Variants in PROM2 observed in about 807,000 individuals in gnomAD.
PROM2 encodes the protein prominin-2.
A neutral mutation model predicts 110.2 loss-of-function variants in PROM2; 90 were observed. The ratio of observed to expected loss-of-function variants is 0.82; its 90% confidence interval spans 0.69 to 0.97. The LOEUF (loss-of-function observed/expected upper bound fraction) is 0.97, where lower values mean the gene tolerates loss of function less well. PROM2 is among the 50% of genes least tolerant of loss of function. PROM2 has a pLI of 0.00. For missense variants in PROM2, 1,009 were observed against 1,074.8 expected, an observed-to-expected ratio of 0.94 and a Z score of 0.86; for synonymous variants, 470 against 467.8, an observed-to-expected ratio of 1.00 and a Z score of -0.06.
intron 1 of PROM2, 32 bp downstream of exon 1, chr2:95,274,861 G>A: frequency 1.3e-6 from 2 of 1,503,288 alleles, no homozygotes; most frequent in Non-Finnish European, 1.8e-6. Context: ...GAGGGCCTCA[G>A]CATTTGGGTC....
chr2:95,278,673 G>A, intron 8 of PROM2, 48 bp from the exon 9 acceptor site: 2 of 1,610,424 alleles, frequency 1.2e-6, no homozygotes, highest in Non-Finnish European at 1.7e-6. Flanking sequence ...TCCCAAGAGG[G>A]GACACTGGGC....
Position 95,274,607 on chromosome 2 carries a change from C to T in PROM2, c.22C>T (p.Leu8=), listed in dbSNP as rs1163248112. 6 of 1,596,808 alleles carry T rather than the reference C, an allele frequency of 3.8e-6. No individual in the cohort carries two copies. The highest frequency in any genetic ancestry group is 5.1e-6 in the Non-Finnish European group (6 of 1,169,156). Residue 8 remains leucine, a synonymous_variant, in exon 1 of 24, where the codon CTG becomes TTG. Coordinates refer to ENST00000317620, the MANE Select transcript of PROM2 (RefSeq NM_001165978.3). The part of the protein sequence containing the change: MKHTLAL[L]APLLGLGLGL... Reference sequence around the variant, plus strand: ...CCCCATGAAGCACACACTGGCTCTGCTGGCTCCCCTGCTGGGCCTGGGCCT... The same window carrying T: ...CCCCATGAAGCACACACTGGCTCTGTTGGCTCCCCTGCTGGGCCTGGGCCT...
chr2:95,281,725 G>A (rs1219350873), intron 12 of PROM2, among the ~76,000 whole-genome samples, 200 bp from the exon 13 acceptor site: 1 of 152,096 alleles, frequency 6.6e-6, no homozygotes, highest in Non-Finnish European at 1.5e-5. Flanking sequence ...ACCCTCCTAG[G>A]GATTCATGGG....
chr2:95,288,792 T>C, intron 22 of PROM2, 141 bp from the exon 23 acceptor site: 1 of 904,312 alleles, frequency 1.1e-6, no homozygotes, highest in Non-Finnish European at 1.8e-6. Context: ...GCTGCATCCA[T>C]TTGGGCGCAG....
In PROM2 at chr2:95,276,869, C is replaced by A; in HGVS notation, c.683-103C>A. The A allele has an allele frequency of 1.5e-6, 2 of 1,293,182 alleles. No individual in the cohort carries two copies. The highest frequency in any genetic ancestry group is 2.2e-6 in the Non-Finnish European group (2 of 920,628). The allele number at this position is 1,293,182 out of a possible 1,614,324, so 80.1% of individuals were successfully genotyped here. A position where few individuals can be genotyped will look rare whatever the true frequency, so the allele number is the denominator to read the frequency against. ...CGCTCCTTCACTCCCCTCCACCCCC[C>A]GGCTCCTGCAGAGCCCGGTGGGGCC... is the stretch of plus-strand genomic sequence containing the variant. On this transcript the variant is annotated intron_variant, in intron 5 of 23. Coordinates refer to ENST00000317620, the MANE Select transcript of PROM2 (RefSeq NM_001165978.3). The surrounding 1 kb of genome is among the most constrained non-coding windows in gnomAD (Gnocchi z 4.6).
At chr2:95,278,807 C>A in intron 9 of PROM2, 23 bp downstream of exon 9, 1 of 1,613,898 alleles carries the variant, frequency 6.2e-7, no homozygotes. Flanking sequence ...GGGTCAGAGG[C>A]AGCTGCCAGG....
chr2:95,288,524 G>C lies in PROM2; in HGVS notation c.2376G>C (p.Leu792=). 6.2e-7 allele frequency: 1 copy of C among 1,614,186 alleles called. No individual in the cohort carries two copies. The highest frequency in any genetic ancestry group is 8.5e-7 in the Non-Finnish European group (1 of 1,180,028). ...WFCLAWCTFF[L]IPSIIFAVKT... ...GCCTGGCATGGTGCACCTTCTTCCT[G>C]ATCCCCAGCATCATCTTTGCCGTCA... Residue 792 remains leucine, a synonymous_variant, in exon 22 of 24, where the codon CTG becomes CTC. Coordinates refer to ENST00000317620, the MANE Select transcript of PROM2 (RefSeq NM_001165978.3).
At chr2:95,278,660 G>T (rs1055270895) in intron 8 of PROM2, 61 bp from the exon 9 acceptor site, 4 of 1,601,052 alleles carry the variant, frequency 2.5e-6, no homozygotes, top group Non-Finnish European at 3.4e-6. Flanking sequence ...TGACTTTGGG[G>T]TCTCCCAAGA....
rs1297159926 is a variant in PROM2, at chr2:95,290,323, T to A, written c.*1110T>A. ...AAAGTGTTCTCACTTCCCTGAGACTTGGTTCTGGGTCCTTAAAACCAGGTT... is the reference window on the plus strand; with the variant it reads ...AAAGTGTTCTCACTTCCCTGAGACTAGGTTCTGGGTCCTTAAAACCAGGTT... On this transcript the variant is annotated 3_prime_UTR_variant, in exon 24 of 24. Transcript: ENST00000317620. The A allele has an allele frequency of 6.6e-6, 1 of 152,230 alleles. No individual in the cohort carries two copies. The highest frequency in any genetic ancestry group is 2.4e-5 in the African/African-American group (1 of 41,452). 9.4% of individuals were successfully genotyped at this position (152,230 alleles called of 1,614,324 possible). A position where few individuals can be genotyped will look rare whatever the true frequency, so the allele number is the denominator to read the frequency against.
At chr2:95,288,337 T>C (rs1303794556) in intron 21 of PROM2, 37 bp downstream of exon 21, 8 of 1,606,546 alleles carry the variant, frequency 5.0e-6, no homozygotes, top group Middle Eastern at 1.6e-4. Context: ...GTTCACCAAG[T>C]CCCGGAGCCT....
chr2:95,277,824 T>G, intron 7 of PROM2, 106 bp from the exon 8 acceptor site: 1 of 973,854 alleles, frequency 1.0e-6, no homozygotes, highest in Non-Finnish European at 1.6e-6. Context: ...CATTTTACAC[T>G]TGAGGACATT....
intron 14 of PROM2, among the ~76,000 whole-genome samples, chr2:95,283,747 T>TA (rs1677178928): frequency 6.6e-6 from 1 of 152,164 alleles, no homozygotes; most frequent in African/African-American, 2.4e-5. Flanking sequence ...AGGAAAATGC[T>TA]AAGGCTCTTT....
rs1161138360 is a variant in PROM2 at position 95,279,843 on chromosome 2, A to G, written c.1275-2A>G. ...GTGACACCCATGTCCTCTCTGTGGCAGGTGGATCGTGGGCTGCGTGCTGTG... is the reference window on the plus strand; with the variant it reads ...GTGACACCCATGTCCTCTCTGTGGCGGGTGGATCGTGGGCTGCGTGCTGTG... On this transcript the variant is annotated splice_acceptor_variant, in intron 10 of 23. Coordinates refer to ENST00000317620, the MANE Select transcript of PROM2 (RefSeq NM_001165978.3). LOFTEE classifies it high-confidence loss of function. 1.4e-6 allele frequency: 2 copies of G among 1,448,180 alleles called. No homozygotes were observed. Among genetic ancestry groups the G allele is most frequent in the Non-Finnish European group, 1.8e-6 (2 of 1,091,716 alleles). The allele number at this position is 1,448,180 out of a possible 1,614,324, so 89.7% of individuals were successfully genotyped here.
intron 16 of PROM2, among the ~76,000 whole-genome samples, chr2:95,286,218 A>T (rs550880194): frequency 6.6e-6 from 1 of 152,312 alleles, no homozygotes; most frequent in South Asian, 2.1e-4. Context: ...GCAGAGCCAG[A>T]AGCATCCTCA....
intron 7 of PROM2, 130 bp downstream of exon 7, chr2:95,277,696 G>C (rs924604789): frequency 1.0e-6 from 1 of 973,046 alleles, no homozygotes; most frequent in Non-Finnish European, 1.5e-6. Context: ...GGGTTAATGC[G>C]GGTCATCCTG....
At chr2:95,277,164 C>T in intron 6 of PROM2, 103 bp downstream of exon 6, 4 of 1,193,214 alleles carry the variant, frequency 3.4e-6, no homozygotes, top group South Asian at 1.5e-5. Context: ...ACCTCTGCCC[C>T]ACCTGTGACT....
intron 12 of PROM2, 141 bp from the exon 13 acceptor site, chr2:95,281,784 C>T (rs998108012): frequency 1.5e-6 from 1 of 665,908 alleles, no homozygotes. Flanking sequence ...GAGTTAGAGG[C>T]CAGGTGTGAG....
Position 95,274,703 on chromosome 2 carries a change from A to G in PROM2, c.118A>G (p.Thr40Ala). 1 of 1,612,518 alleles carries G rather than the reference A, an allele frequency of 6.2e-7. No individual in the cohort carries two copies. The highest frequency in any genetic ancestry group is 1.1e-5 in the South Asian group (1 of 91,058). Residue 40 changes from threonine to alanine, a missense_variant, in exon 1 of 24, where the codon ACA (threonine) becomes GCA (alanine). Transcript: ENST00000317620. ...CKFLGPAEHLTFTPAARARWL... is the reference protein window; with the variant it reads ...CKFLGPAEHLAFTPAARARWL... ...GTTCCTTGGCCCGGCAGAGCACCTG[A>G]CATTCACCCCAGCAGCCAGGGCCCG...
rs1202554660 is a variant in PROM2, at chr2:95,275,472, G to T, written c.256G>T (p.Ala86Ser). The T allele has an allele frequency of 6.2e-7, 1 of 1,613,460 alleles. No individual in the cohort carries two copies. The highest frequency in any genetic ancestry group is 1.3e-5 in the African/African-American group (1 of 74,904). ...LNPFPSELVK[A>S]LLNELASVKV... The stretch of plus-strand genomic sequence containing the variant: ...GCTCTTTCCCATAGAGTTGGTAAAG[G>T]CCCTACTGAATGAGCTGGCCTCCGT... The change falls in exon 2 of 24, where the codon GCC (alanine) becomes TCC (serine). Residue 86 changes from alanine to serine, a missense_variant. By Grantham distance (99) the Ala-to-Ser change is moderately conservative. Coordinates refer to ENST00000317620, the MANE Select transcript of PROM2 (RefSeq NM_001165978.3). The surrounding 1 kb of genome is among the most constrained non-coding windows in gnomAD (Gnocchi z 4.4).
Sources: gnomAD v4.1 joint callset for allele counts (sites outside exome capture counted in the v4.1 genomes callset) on GRCh38, gnomAD v4.1.1 for gene constraint, Gnocchi (gnomAD v3.1) non-coding constraint, MANE v1.5 for transcripts, NCBI Gene and HGNC (gene_info 2026-07-23, HGNC 2026-07-21) for gene names.